The following SCN2B variants were observed in gnomAD, a reference collection of about 807,000 sequenced individuals.
The protein encoded by SCN2B is sodium channel regulatory subunit beta-2.
A neutral mutation model predicts 18.2 loss-of-function variants in SCN2B; 14 were observed. The ratio of observed to expected loss-of-function variants is 0.77; its 90% CI spans 0.51 to 1.21. The LOEUF (loss-of-function observed/expected upper bound fraction) is 1.21. Ranked by LOEUF, SCN2B falls within the 50% of genes most tolerant of loss-of-function variation. The pLI is 0.00. For missense variants in SCN2B, 262 were observed against 286.9 expected (o/e 0.91, Z 0.63); for synonymous variants, 115 against 115.3 (o/e 1.00, Z 0.02).
At chr11:118,170,083 A>G (rs1948418544) in intron 1 of SCN2B, among the ~76,000 whole-genome samples, 1 of 152,232 alleles carries the variant, frequency 6.6e-6, no homozygotes, top group Admixed American at 6.5e-5. Flanking sequence ...CCAAATATTT[A>G]TAAATCACCT....
In SCN2B at chr11:118,174,106, T is replaced by TTTTTG. The variant is rs60498264; in HGVS notation, c.70+2255_70+2256insCAAAA. 2.6e-3 allele frequency among the ~76,000 whole-genome samples: 336 copies of TTTTTG among 128,934 alleles called. 3 individuals carry two copies. Among genetic ancestry groups the TTTTTG allele is most frequent in the African/African-American group, 0.01 (327 of 31,280 alleles). The allele number at this position is 128,934 out of a possible 152,430, so 84.6% of individuals were successfully genotyped here. A position where few individuals can be genotyped will look rare whatever the true frequency, so the allele number is the denominator to read the frequency against. ...TTTTTCTTTTCTTTTTTTTTTTTTT[T>TTTTTG]TTTTTTTTTTTTTTGTAGAGACAGG... On this transcript the variant is annotated intron_variant, in intron 1 of 3. Transcript: ENST00000278947.
At position 118,168,349 on chromosome 11, in the gene SCN2B, G is replaced by A; in HGVS notation, c.238-54C>T. On this transcript the variant is annotated intron_variant, in intron 2 of 3. Transcript: ENST00000278947. This position sits in a 1 kb window ranked among gnomAD's most constrained non-coding sequence, Gnocchi z 4.7. Reference sequence around the variant, plus strand: ...TGGCTGGATGAGCAAGGAACTACAAGGACAGTGAGGATGCCCCCTCTTCCC... The same window carrying A: ...TGGCTGGATGAGCAAGGAACTACAAAGACAGTGAGGATGCCCCCTCTTCCC... 1 of 1,503,034 alleles carries A rather than the reference G, an allele frequency of 6.7e-7. No homozygotes were observed. Among genetic ancestry groups the A allele is most frequent in the Admixed American group, 1.7e-5 (1 of 59,812 alleles). 93.1% of individuals were successfully genotyped at this position (1,503,034 alleles called of 1,614,324 possible). A position where few individuals can be genotyped will look rare whatever the true frequency, so the allele number is the denominator to read the frequency against.
At chr11:118,171,287 G>A (rs1174239670) in intron 1 of SCN2B, among the ~76,000 whole-genome samples, 3 of 152,184 alleles carry the variant, frequency 2.0e-5, no homozygotes, top group Non-Finnish European at 2.9e-5. Context: ...GTGGGCCCCT[G>A]TCAGGAAGAA....
At position 118,168,831 on chromosome 11, in the gene SCN2B, T is replaced by C; in HGVS notation, c.71-80A>G. 1 of 1,529,008 alleles carries C rather than the reference T, an allele frequency of 6.5e-7. No individual in the cohort carries two copies. The highest frequency in any genetic ancestry group is 9.0e-7 in the Non-Finnish European group (1 of 1,105,000). 94.7% of individuals were successfully genotyped at this position (1,529,008 alleles called of 1,614,324 possible). Reference sequence around the variant, plus strand: ...GCAAGCCCTCTGTGCCTGGGAGTGTTGGGGGATGAGGCAGAGCAGAGCCAC... The same window carrying C: ...GCAAGCCCTCTGTGCCTGGGAGTGTCGGGGGATGAGGCAGAGCAGAGCCAC... On this transcript the variant is annotated intron_variant, in intron 1 of 3. Coordinates refer to ENST00000278947, the MANE Select transcript of SCN2B (RefSeq NM_004588.5). The surrounding 1 kb of genome is among the most constrained non-coding windows in gnomAD (Gnocchi z 4.7).
intron 1 of SCN2B, among the ~76,000 whole-genome samples, chr11:118,172,204 T>A (rs1350659828): frequency 6.6e-6 from 1 of 152,228 alleles, no homozygotes; most frequent in Admixed American, 6.5e-5. Flanking sequence ...AGAAAGGACT[T>A]CATCACAGCC....
At chr11:118,169,747 AGTCCT>A (rs1350195539) in intron 1 of SCN2B, among the ~76,000 whole-genome samples, 126 of 152,282 alleles carry the variant, frequency 8.3e-4, no homozygotes, top group African/African-American at 2.8e-3. Context: ...GGTTCTGCAG[AGTCCT>A]ATTAGGAACA....
At chr11:118,167,834 G>A (rs778713691) in intron 3 of SCN2B, among the ~76,000 whole-genome samples, 36 of 152,182 alleles carry the variant, frequency 2.4e-4, no homozygotes, top group Non-Finnish European at 4.1e-4. Flanking sequence ...TGTGATTACA[G>A]GTGTGAGCCA....
chr11:118,172,074 G>A (rs550001686), intron 1 of SCN2B, among the ~76,000 whole-genome samples: 2 of 152,250 alleles, frequency 1.3e-5, no homozygotes, highest in East Asian at 3.9e-4. Context: ...CCGCCAGTCC[G>A]GGCCCTCATT....
rs1174583303 is a variant in SCN2B at position 118,166,573 on chromosome 11, G to C, written c.*314C>G. ...GACAGCGGCCCCCTCCTCTACCCCT[G>C]CCCACCCACTCCCTTCTCTCTGGGG... On this transcript the variant is annotated 3_prime_UTR_variant, in exon 4 of 4. Coordinates refer to ENST00000278947, the MANE Select transcript of SCN2B (RefSeq NM_004588.5). 1 of 438,256 alleles carries C rather than the reference G, an allele frequency of 2.3e-6. No individual in the cohort carries two copies. Among genetic ancestry groups the C allele is most frequent in the East Asian group, 4.7e-5 (1 of 21,304 alleles). 27.1% of individuals were successfully genotyped at this position (438,256 alleles called of 1,614,324 possible).
intron 1 of SCN2B, among the ~76,000 whole-genome samples, chr11:118,172,094 G>C (rs1948435150): frequency 6.6e-6 from 1 of 152,148 alleles, no homozygotes; most frequent in Non-Finnish European, 1.5e-5. Context: ...TAAAGACGAG[G>C]GGACCATGGC....
At position 118,174,103 on chromosome 11, in the gene SCN2B, T is replaced by TTTTTTG. The variant is rs1565464864; in HGVS notation, c.70+2258_70+2259insCAAAAA. On this transcript the variant is annotated intron_variant, in intron 1 of 3. Coordinates refer to ENST00000278947, the MANE Select transcript of SCN2B (RefSeq NM_004588.5). Reference sequence around the variant, plus strand: ...TTATTTTTCTTTTCTTTTTTTTTTTTTTTTTTTTTTTTTTTTTGTAGAGAC... The same window carrying TTTTTTG: ...TTATTTTTCTTTTCTTTTTTTTTTTTTTTTTGTTTTTTTTTTTTTTTTTGTAGAGAC... 3.3e-4 allele frequency among the ~76,000 whole-genome samples: 42 copies of TTTTTTG among 128,162 alleles called. 3 individuals carry two copies. The highest frequency in any genetic ancestry group is 1.1e-3 in the African/African-American group (37 of 32,392). The allele number at this position is 128,162 out of a possible 152,430, so 84.1% of individuals were successfully genotyped here. A position where few individuals can be genotyped will look rare whatever the true frequency, so the allele number is the denominator to read the frequency against.
In SCN2B at chr11:118,176,470, G is replaced by C. The variant is rs1414858939; in HGVS notation, c.-39C>G. 6.5e-7 allele frequency: 1 copy of C among 1,549,258 alleles called. No individual in the cohort carries two copies. Among genetic ancestry groups the C allele is most frequent in the Admixed American group, 1.7e-5 (1 of 59,920 alleles). On this transcript the variant is annotated 5_prime_UTR_variant, in exon 1 of 4. Coordinates refer to ENST00000278947, the MANE Select transcript of SCN2B (RefSeq NM_004588.5). Reference sequence around the variant, plus strand: ...GATGTTAGTCGGGTGGGCTACGGGAGAGGGTGATTTGAGGGGGCGAGAACT... The same window carrying C: ...GATGTTAGTCGGGTGGGCTACGGGACAGGGTGATTTGAGGGGGCGAGAACT...
Position 118,168,611 on chromosome 11 carries a change from C to T in SCN2B, c.211G>A (p.Glu71Lys). 1 of 1,614,236 alleles carries T rather than the reference C, an allele frequency of 6.2e-7. No homozygotes were observed. The highest frequency in any genetic ancestry group is 1.7e-5 in the Admixed American group (1 of 60,024). ...KQFSLNWTYQ[E>K]CNNCSEEMFL... ...ATCTCCTCAGAGCAGTTGTTGCACTCCTGGTAAGTCCAGTTCAGGGAGAAC... is the reference window on the plus strand; with the variant it reads ...ATCTCCTCAGAGCAGTTGTTGCACTTCTGGTAAGTCCAGTTCAGGGAGAAC... Residue 71 changes from glutamate to lysine, a missense_variant, in exon 2 of 4, where the codon GAG becomes AAG. By Grantham distance (56) the Glu-to-Lys change is moderately conservative. Coordinates refer to ENST00000278947, the MANE Select transcript of SCN2B (RefSeq NM_004588.5). The surrounding 1 kb of genome is among the most constrained non-coding windows in gnomAD (Gnocchi z 4.7).
intron 1 of SCN2B, among the ~76,000 whole-genome samples, 191 bp downstream of exon 1, chr11:118,176,171 T>C (rs1159072989): frequency 6.6e-6 from 1 of 152,074 alleles, no homozygotes; most frequent in African/African-American, 2.4e-5. Flanking sequence ...TGACCCAACA[T>C]TTCTGTGACT....
chr11:118,173,923 C>T (rs1591446676), intron 1 of SCN2B, among the ~76,000 whole-genome samples: 1 of 151,740 alleles, frequency 6.6e-6, no homozygotes, highest in East Asian at 1.9e-4. Context: ...TTCTTTCTTT[C>T]TTTCTTTCTT....
intron 1 of SCN2B, among the ~76,000 whole-genome samples, chr11:118,174,638 T>C (rs1477214905): frequency 6.6e-6 from 1 of 152,096 alleles, no homozygotes; most frequent in Non-Finnish European, 1.5e-5. Flanking sequence ...CCTCTCCCAC[T>C]CAGCTTTGCA....
At position 118,168,802 on chromosome 11, in the gene SCN2B, A is replaced by C. The variant is rs1361043080; in HGVS notation, c.71-51T>G. 1 of 1,601,590 alleles carries C rather than the reference A, an allele frequency of 6.2e-7. No individual in the cohort carries two copies. Among genetic ancestry groups the C allele is most frequent in the Admixed American group, 1.7e-5 (1 of 60,008 alleles). ...AGGAGTCTGGCTGAAAGGGCTGGGG[A>C]GGGGCAAGCCCTCTGTGCCTGGGAG... On this transcript the variant is annotated intron_variant, in intron 1 of 3. Transcript: ENST00000278947. This position sits in a 1 kb window ranked among gnomAD's most constrained non-coding sequence, Gnocchi z 4.7.
chr11:118,172,842 ACTC>A (rs1225571563), intron 1 of SCN2B, among the ~76,000 whole-genome samples: 1 of 144,470 alleles, frequency 6.9e-6, no homozygotes, highest in Non-Finnish European at 1.5e-5. Flanking sequence ...TAATCTCTTC[ACTC>A]CTCTTTCCAC....
chr11:118,172,261 A>G (rs1275565478), intron 1 of SCN2B, among the ~76,000 whole-genome samples: 1 of 152,228 alleles, frequency 6.6e-6, no homozygotes, highest in Non-Finnish European at 1.5e-5. Context: ...CTGTCTACAT[A>G]CTCTACATAC....
Sources: allele counts gnomAD v4.1 joint callset (sites outside exome capture counted in the v4.1 genomes callset), GRCh38; gene constraint gnomAD v4.1.1; non-coding constraint Gnocchi (gnomAD v3.1); transcripts MANE v1.5; gene names NCBI Gene and HGNC (gene_info 2026-07-23, HGNC 2026-07-21).